Variants in SORCS1 observed in about 807,000 individuals in gnomAD.
SORCS1 encodes the protein VPS10 domain-containing receptor SorCS1.
A neutral mutation model predicts 146.1 loss-of-function variants in SORCS1; 60 were observed. That is an observed-to-expected ratio of 0.41 (90% CI 0.33 to 0.51). The LOEUF (loss-of-function observed/expected upper bound fraction) is 0.51, where lower values mean the gene tolerates loss of function less well. Among genes scored for constraint, SORCS1 ranks in the 20% least tolerant of loss-of-function variants. SORCS1 has a pLI of 0.21. For synonymous variants in SORCS1, 637 were observed against 584.0 expected (o/e 1.09, Z -1.31); for missense variants, 1,352 against 1,487.6 (o/e 0.91, Z 1.50).
At chr10:106,908,579 T>C (rs1952011567) in intron 2 of SORCS1, among the ~76,000 whole-genome samples, 1 of 152,240 alleles carries the variant, frequency 6.6e-6, no homozygotes, top group Non-Finnish European at 1.5e-5. Context: ...GCTGAAGCTC[T>C]GCTCGGGGGA....
intron 17 of SORCS1, among the ~76,000 whole-genome samples, chr10:106,664,747 C>T (rs1374570812): frequency 6.6e-6 from 1 of 151,986 alleles, no homozygotes; most frequent in Admixed American, 6.6e-5. Flanking sequence ...CAATTTGATC[C>T]CTCTGTGTTT....
At chr10:106,654,436 TC>T (rs1850123307) in intron 17 of SORCS1, among the ~76,000 whole-genome samples, 1 of 152,170 alleles carries the variant, frequency 6.6e-6, no homozygotes, top group Non-Finnish European at 1.5e-5. Flanking sequence ...AGATTATCCC[TC>T]CTCTAAACCC....
intron 2 of SORCS1, among the ~76,000 whole-genome samples, chr10:106,923,357 A>G (rs1208565822): frequency 6.6e-6 from 1 of 152,174 alleles, no homozygotes; most frequent in East Asian, 1.9e-4. Flanking sequence ...TTTTAGCTGA[A>G]TAATATTCCA....
intron 1 of SORCS1, among the ~76,000 whole-genome samples, chr10:107,040,968 T>C (rs550415876): frequency 6.6e-6 from 1 of 152,278 alleles, no homozygotes; most frequent in East Asian, 1.9e-4. Flanking sequence ...TTGTTTGCTA[T>C]AACAAAAAAA....
At chr10:106,701,519 A>G (rs1310870982) in intron 8 of SORCS1, among the ~76,000 whole-genome samples, 1 of 152,242 alleles carries the variant, frequency 6.6e-6, no homozygotes, top group African/African-American at 2.4e-5. Context: ...AGAATAAAAA[A>G]GAAAACTCCA....
chr10:107,101,356 T>A (rs1964912657), intron 1 of SORCS1, among the ~76,000 whole-genome samples: 1 of 152,226 alleles, frequency 6.6e-6, no homozygotes, highest in Non-Finnish European at 1.5e-5. Flanking sequence ...TATTTTTTCA[T>A]GTTTTGTAGA....
At chr10:107,026,026 C>G (rs1446653930) in intron 1 of SORCS1, among the ~76,000 whole-genome samples, 3 of 152,150 alleles carry the variant, frequency 2.0e-5, no homozygotes, top group Non-Finnish European at 2.9e-5. Context: ...CCCATGAATT[C>G]CAACCTGAAA....
At chr10:106,784,384 G>A (rs1354832458) in intron 3 of SORCS1, among the ~76,000 whole-genome samples, 2 of 138,354 alleles carry the variant, frequency 1.4e-5, no homozygotes, top group East Asian at 4.1e-4. Context: ...GACAGAGGGA[G>A]ACTCCGTCAA....
At chr10:106,817,631 A>G (rs906852477) in intron 3 of SORCS1, among the ~76,000 whole-genome samples, 3 of 152,186 alleles carry the variant, frequency 2.0e-5, no homozygotes, top group African/African-American at 7.2e-5. Flanking sequence ...TAAGAGGCAA[A>G]AGAGTAGAAT....
intron 4 of SORCS1, 84 bp downstream of exon 4, chr10:106,776,450 G>T: frequency 6.5e-7 from 1 of 1,533,126 alleles, no homozygotes. Flanking sequence ...TGATCACTGA[G>T]GTGAAATGGA....
intron 5 of SORCS1, among the ~76,000 whole-genome samples, chr10:106,756,123 T>A: frequency 7.0e-6 from 1 of 142,814 alleles, no homozygotes; most frequent in Non-Finnish European, 1.6e-5. Context: ...AGCAAGACAA[T>A]GTCTCAAAAA....
intron 3 of SORCS1, among the ~76,000 whole-genome samples, chr10:106,802,242 A>C (rs1052765763): frequency 2.6e-5 from 4 of 152,176 alleles, no homozygotes; most frequent in African/African-American, 9.7e-5. Flanking sequence ...GTATTATGAG[A>C]GTGATAAGGT....
intron 1 of SORCS1, among the ~76,000 whole-genome samples, chr10:106,990,085 T>C (rs926761194): frequency 6.6e-6 from 1 of 152,152 alleles, no homozygotes; most frequent in Admixed American, 6.5e-5. Context: ...AAACATTTCT[T>C]TTGCAATGAA....
chr10:106,716,853 A>G (rs1488506816), intron 6 of SORCS1, among the ~76,000 whole-genome samples: 2 of 152,130 alleles, frequency 1.3e-5, no homozygotes, highest in East Asian at 3.9e-4. Context: ...CTTAAAATCC[A>G]GGCCGGGCTC....
intron 1 of SORCS1, among the ~76,000 whole-genome samples, chr10:107,104,118 C>T (rs1379468471): frequency 6.6e-6 from 1 of 150,882 alleles, no homozygotes; most frequent in Non-Finnish European, 1.5e-5. Flanking sequence ...ACTGGATATT[C>T]AAGGAAATGT....
intron 1 of SORCS1, among the ~76,000 whole-genome samples, chr10:107,081,895 C>T (rs185188433): frequency 6.8e-4 from 104 of 152,202 alleles, no homozygotes; most frequent in Non-Finnish European, 1.1e-3. Flanking sequence ...CGGGAAAGTG[C>T]TAGAAAAATT....
chr10:107,099,002 C>G (rs979898022), intron 1 of SORCS1, among the ~76,000 whole-genome samples: 1 of 152,182 alleles, frequency 6.6e-6, no homozygotes, highest in African/African-American at 2.4e-5. Flanking sequence ...GAATTAGTCC[C>G]AGCACAAGCT....
intron 3 of SORCS1, among the ~76,000 whole-genome samples, chr10:106,786,620 G>T (rs1014989410): frequency 1.3e-5 from 2 of 151,824 alleles, no homozygotes; most frequent in Non-Finnish European, 2.9e-5. Context: ...CAGACTTAAT[G>T]GGAGGAAAAA....
intron 1 of SORCS1, among the ~76,000 whole-genome samples, chr10:107,114,601 A>T (rs1965902056): frequency 6.6e-6 from 1 of 152,188 alleles, no homozygotes; most frequent in Admixed American, 6.5e-5. Flanking sequence ...GAAGGAATTT[A>T]CTTCAACATG....
Sources: gnomAD v4.1 joint callset for allele counts (sites outside exome capture counted in the v4.1 genomes callset) on GRCh38, gnomAD v4.1.1 for gene constraint, MANE v1.5 for transcripts, NCBI Gene and HGNC (gene_info 2026-07-23, HGNC 2026-07-21) for gene names.